The following PCDH10 variants were observed in gnomAD, a reference collection of about 807,000 sequenced individuals.
The protein encoded by PCDH10 is protocadherin 10, also known as protocadherin-10.
PCDH10 carries 15 observed loss-of-function variants against 74.4 expected under a neutral mutation model. That is an observed-to-expected ratio of 0.20 (90% CI 0.13 to 0.31). PCDH10 has a LOEUF of 0.31. Ranked by LOEUF, PCDH10 falls within the 10% of genes least tolerant of loss-of-function variation. The pLI, the probability that PCDH10 is intolerant of heterozygous loss-of-function variation, is 1.00. For missense variants in PCDH10, 1,260 were observed against 1,390.2 expected, an observed-to-expected ratio of 0.91 and a Z score of 1.49; for synonymous variants, 619 against 589.8, an observed-to-expected ratio of 1.05 and a Z score of -0.72.
Position 133,163,110 on chromosome 4 carries a change from C to G in PCDH10, c.2931C>G (p.Gly977=), listed in dbSNP as rs151224823. Residue 977 remains glycine (G), a synonymous_variant, in exon 4 of 5, where the codon GGC becomes GGG. Coordinates refer to ENST00000264360, the MANE Select transcript of PCDH10 (RefSeq NM_032961.3). ...ATCGCAGCAATCTGCATGTTCCTGG[C>G]ATGGACTCTGTTCCAGACACTGAGG... ...ADYRSNLHVP[G]MDSVPDTEVF... The G allele has an allele frequency of 1.3e-3, 2,091 of 1,614,146 alleles. 4 individuals are homozygous for G. Among genetic ancestry groups the G allele is most frequent in the Non-Finnish European group, 1.6e-3 (1,942 of 1,180,024 alleles).
rs780727916 is a variant in PCDH10, at chr4:133,152,260, G to A, written c.2120G>A (p.Gly707Asp). 2 of 1,612,876 alleles carry A rather than the reference G, an allele frequency of 1.2e-6. No individual in the cohort carries two copies. The highest frequency in any genetic ancestry group is 1.7e-6 in the Non-Finnish European group (2 of 1,179,376). ...CACCAGCGCCCCAGTCGCTCTGGCG[G>A]CGGGGAAACCTCGCTAGACCTCACC... ...GEHQRPSRSG[G>D]GETSLDLTLI... Residue 707 changes from glycine (G) to aspartate (D), a missense_variant, in exon 1 of 5, where the codon GGC becomes GAC. This residue lies in a region of PCDH10 where 587 missense variants were observed against 616.9 expected (regional missense o/e 0.95). Coordinates refer to ENST00000264360, the MANE Select transcript of PCDH10 (RefSeq NM_032961.3).
intron 4 of PCDH10, among the ~76,000 whole-genome samples, chr4:133,184,659 A>T (rs918868649): frequency 3.4e-5 from 5 of 146,638 alleles, no homozygotes; most frequent in South Asian, 4.2e-4. Context: ...ATAAATAAAT[A>T]AGTTATTTAT....
intron 4 of PCDH10, among the ~76,000 whole-genome samples, chr4:133,177,896 T>G (rs1341804896): frequency 1.3e-5 from 2 of 152,100 alleles, no homozygotes; most frequent in Non-Finnish European, 2.9e-5. Context: ...AAAGACTCCT[T>G]ACAGTGTAAT....
At position 133,190,581 on chromosome 4, in the gene PCDH10, T is replaced by TC. The variant is rs1257558554; in HGVS notation, c.*423dup. 1.2e-5 allele frequency: 2 copies of TC among 160,038 alleles called. No individual in the cohort carries two copies. Among genetic ancestry groups the TC allele is most frequent in the African/African-American group, 4.8e-5 (2 of 41,754 alleles). The allele number at this position is 160,038 out of a possible 1,614,324, so 9.9% of individuals were successfully genotyped here. A position where few individuals can be genotyped will look rare whatever the true frequency, so the allele number is the denominator to read the frequency against. On this transcript the variant is annotated 3_prime_UTR_variant, in exon 5 of 5. Coordinates refer to ENST00000264360, the MANE Select transcript of PCDH10 (RefSeq NM_032961.3). ...ATATTATTTTTGTGTGATCAAGTGT[T>TC]CCGCAAGCTATTCCAACTTTACAAG...
At chr4:133,172,243 G>T (rs1727217859) in intron 4 of PCDH10, among the ~76,000 whole-genome samples, 1 of 151,800 alleles carries the variant, frequency 6.6e-6, no homozygotes, top group African/African-American at 2.4e-5. Context: ...GCTTGTAAAA[G>T]ATAAAGTTTT....
Position 133,151,567 on chromosome 4 carries a change from A to G in PCDH10, c.1427A>G (p.Asn476Ser). ...PVYDVYVTEN[N>S]VPGAYIYAVS... The stretch of plus-strand genomic sequence containing the variant: ...TACGACGTGTATGTGACTGAAAACA[A>G]CGTGCCTGGCGCCTACATCTACGCG... The change falls in exon 1 of 5, where the codon AAC becomes AGC. Residue 476 changes from asparagine (N) to serine (S), a missense_variant. By Grantham distance (46) the Asn-to-Ser change is conservative (BLOSUM62 1). This residue lies in a region of PCDH10 where 587 missense variants were observed against 616.9 expected (regional missense o/e 0.95). Transcript: ENST00000264360. 6.2e-7 allele frequency: 1 copy of G among 1,614,006 alleles called. No individual in the cohort carries two copies. The highest frequency in any genetic ancestry group is 1.1e-5 in the South Asian group (1 of 91,078).
chr4:133,204,995 T>C (rs1727973839), intron 2 of PCDH10, among the ~76,000 whole-genome samples: 1 of 152,174 alleles, frequency 6.6e-6, no homozygotes, highest in Non-Finnish European at 1.5e-5. Flanking sequence ...TCCAAGGGGA[T>C]GATGTGATTA....
At chr4:133,186,806 T>G (rs904198803) in intron 4 of PCDH10, among the ~76,000 whole-genome samples, 3 of 152,048 alleles carry the variant, frequency 2.0e-5, no homozygotes, top group African/African-American at 7.2e-5. Flanking sequence ...CAACCTCCAC[T>G]TCATAGATTC....
Position 133,149,919 on chromosome 4 carries a change from T to C in PCDH10, c.-222T>C. On this transcript the variant is annotated 5_prime_UTR_variant, in exon 1 of 5. Transcript: ENST00000264360. Reference sequence around the variant, plus strand: ...TACAGATGAGGAAAGGGGACGCCTGTCACCCTTCCTGTGCTAAGATTTAAA... The same window carrying C: ...TACAGATGAGGAAAGGGGACGCCTGCCACCCTTCCTGTGCTAAGATTTAAA... The C allele has an allele frequency of 2.1e-6, 1 of 472,510 alleles. No individual in the cohort carries two copies. 29.3% of individuals were successfully genotyped at this position (472,510 alleles called of 1,614,324 possible).
rs1475951787 is a variant in PCDH10 at position 133,152,662 on chromosome 4, G to A, written c.2522G>A (p.Ser841Asn). The change falls in exon 1 of 5, where the codon AGC becomes AAC. Residue 841 changes from serine to asparagine, a missense_variant. Ser to Asn is a conservative substitution (Grantham distance 46). Around this residue, in one of 11 missense-constraint regions of PCDH10, gnomAD observed 587 missense variants for 616.9 expected, o/e 0.95. Transcript: ENST00000264360. The stretch of plus-strand genomic sequence containing the variant: ...GACCTGATGTTTCTTAAGCCCTGCA[G>A]CCCTTCGCGGAGTACGGACACTGAG... ...KTDLMFLKPC[S>N]PSRSTDTEHN... 1 of 1,614,106 alleles carries A rather than the reference G, an allele frequency of 6.2e-7. No homozygotes were observed. Among genetic ancestry groups the A allele is most frequent in the African/African-American group, 1.3e-5 (1 of 74,952 alleles).
In PCDH10 at chr4:133,154,173, G is replaced by A. The variant is rs532935829; in HGVS notation, c.2632-134G>A. On this transcript the variant is annotated intron_variant, in intron 1 of 4. Transcript: ENST00000264360. ...CTTACACAGCAATCACTAGGATGAG[G>A]TTTTAGGAGAGCTTGGAAATTCATA... is the stretch of plus-strand genomic sequence containing the variant. 1.2e-3 allele frequency: 762 copies of A among 647,624 alleles called. 3 individuals carry two copies. The highest frequency in any genetic ancestry group is 3.0e-3 in the Admixed American group (92 of 30,820). 40.1% of individuals were successfully genotyped at this position (647,624 alleles called of 1,614,324 possible).
downstream of PCDH10, among the ~76,000 whole-genome samples, chr4:133,198,390 G>A (rs575112448): frequency 6.4e-4 from 97 of 152,216 alleles, no homozygotes; most frequent in African/African-American, 2.2e-3. Context: ...GAAAACAAAT[G>A]ATAAGTAATT....
chr4:133,193,635 G>GA lies in PCDH10; in HGVS notation c.*3479dup, dbSNP rs1312222534. The stretch of plus-strand genomic sequence containing the variant: ...TGTGGCAAAAGTTCAGCAAGATCAA[G>GA]AAAAGTATTTAAGTTATTGACTGAT... On this transcript the variant is annotated 3_prime_UTR_variant, in exon 5 of 5. Transcript: ENST00000264360. 5 of 151,608 alleles carry GA rather than the reference G, an allele frequency of 3.3e-5. No individual in the cohort carries two copies. Among genetic ancestry groups the GA allele is most frequent in the Admixed American group, 1.3e-4 (2 of 15,184 alleles). 9.4% of individuals were successfully genotyped at this position (151,608 alleles called of 1,614,324 possible).
At chr4:133,170,682 G>A (rs1727184781) in intron 4 of PCDH10, among the ~76,000 whole-genome samples, 1 of 151,844 alleles carries the variant, frequency 6.6e-6, no homozygotes, top group Admixed American at 6.6e-5. Flanking sequence ...TCATTTTAGT[G>A]TATTCTTTTT....
Position 133,150,628 on chromosome 4 carries a change from C to T in PCDH10, c.488C>T (p.Pro163Leu), listed in dbSNP as rs935822454. 6.2e-7 allele frequency: 1 copy of T among 1,613,282 alleles called. No homozygotes were observed. Among genetic ancestry groups the T allele is most frequent in the Admixed American group, 1.7e-5 (1 of 59,966 alleles). Residue 163 changes from proline (P) to leucine (L), a missense_variant, in exon 1 of 5, where the codon CCC (proline) becomes CTC (leucine). Transcript: ENST00000264360. ...TCCTTGCGCGACTACGAGATCACCCCCAACAGCTACTTCTCCCTGGACGTG... is the reference window on the plus strand; with the variant it reads ...TCCTTGCGCGACTACGAGATCACCCTCAACAGCTACTTCTCCCTGGACGTG... ...TNSLRDYEIT[P>L]NSYFSLDVQT...
chr4:133,181,098 C>T (rs1457009841), intron 4 of PCDH10, among the ~76,000 whole-genome samples: 1 of 151,620 alleles, frequency 6.6e-6, no homozygotes, highest in Non-Finnish European at 1.5e-5. Flanking sequence ...AAAAATTATA[C>T]CTTCTATGCC....
At chr4:133,176,591 A>T (rs1727301359) in intron 4 of PCDH10, among the ~76,000 whole-genome samples, 1 of 152,164 alleles carries the variant, frequency 6.6e-6, no homozygotes, top group Admixed American at 6.6e-5. Context: ...TTTTCACAAT[A>T]TATCACTATT....
intron 1 of PCDH10, 38 bp from the exon 2 acceptor site, chr4:133,154,269 G>C (rs867827662): frequency 7.4e-7 from 1 of 1,347,866 alleles, no homozygotes; most frequent in Non-Finnish European, 1.1e-6. Flanking sequence ...TCAACCCATA[G>C]CATTCAAATG....
intron 4 of PCDH10, among the ~76,000 whole-genome samples, chr4:133,183,871 C>T (rs1379651619): frequency 2.0e-5 from 3 of 152,138 alleles, no homozygotes; most frequent in Non-Finnish European, 2.9e-5. Flanking sequence ...TTATGCTCAA[C>T]ATGCTTCTCT....
Sources: gnomAD v4.1 joint callset for allele counts (sites outside exome capture counted in the v4.1 genomes callset) on GRCh38, gnomAD v4.1.1 for gene constraint, gnomAD v4.1.1 regional missense constraint, MANE v1.5 for transcripts, NCBI Gene and HGNC (gene_info 2026-07-23, HGNC 2026-07-21) for gene names.